TTI2: variants seen among roughly 807,000 people sequenced by gnomAD.
TTI2 encodes TELO2-interacting protein 2.
Under a neutral mutation model 44.9 loss-of-function variants are expected in TTI2, and 26 were observed. The observed-to-expected ratio is 0.58, with a 90% CI of 0.42 to 0.80. The LOEUF is 0.80. Ranked by LOEUF, TTI2 falls within the 30% of genes least tolerant of loss-of-function variation. The pLI, the probability that TTI2 is intolerant of heterozygous loss-of-function variation, is 0.00. For synonymous variants in TTI2, 254 were observed against 250.9 expected (o/e 1.01, Z -0.12); for missense variants, 582 against 611.6 (o/e 0.95, Z 0.51).
chr8:33,508,498 C>T (rs904321833), intron 3 of TTI2, among the ~76,000 whole-genome samples: 1 of 151,598 alleles, frequency 6.6e-6, no homozygotes, highest in African/African-American at 2.4e-5. Context: ...GTAATTCCAG[C>T]TACTCTAGAG....
chr8:33,503,490 C>T lies in TTI2; in HGVS notation c.1198G>A (p.Glu400Lys). 2 of 1,614,164 alleles carry T rather than the reference C, an allele frequency of 1.2e-6. No homozygotes were observed. The highest frequency in any genetic ancestry group is 1.7e-6 in the Non-Finnish European group (2 of 1,180,032). ...TCCAATATCTTCAGTCTAGCTTCCT[C>T]CTCAGGTCCATCATAAACCTCCAGA... ...GYLEVYDGPE[E>K]EARLKILETL... Residue 400 changes from glutamate to lysine, a missense_variant, in exon 6 of 8, where the codon GAG (glutamate) becomes AAG (lysine). Physicochemically the swap from Glu to Lys is moderately conservative, Grantham distance 56 (BLOSUM62 1). Coordinates refer to ENST00000431156, the MANE Select transcript of TTI2 (RefSeq NM_001102401.4).
chr8:33,512,501 G>A lies in TTI2; in HGVS notation c.113C>T (p.Ala38Val). The A allele has an allele frequency of 6.2e-7, 1 of 1,614,150 alleles. No homozygotes were observed. The highest frequency in any genetic ancestry group is 8.5e-7 in the Non-Finnish European group (1 of 1,180,042). ...QAFSKILHCL[A>V]RPEARRGNVK... ...ATTGCCTCGTCGTGCCTCCGGGCGG[G>A]CAAGACAGTGTAAAATCTTGGAGAA... The change falls in exon 2 of 8, where the codon GCC (alanine) becomes GTC (valine). Residue 38 changes from alanine (A) to valine (V), a missense_variant. Transcript: ENST00000431156.
Position 33,512,314 on chromosome 8 carries a change from T to A in TTI2, c.300A>T (p.Glu100Asp). The change falls in exon 2 of 8, where the codon GAA (glutamate) becomes GAT (aspartate). Residue 100 changes from glutamate (E) to aspartate (D), a missense_variant. Transcript: ENST00000431156. ...EKYAAPSKEE[E>D]GGGDGHSEAA... ...CTTCGGAGTGCCCATCACCTCCACC[T>A]TCCTCCTCCTTGGAGGGGGCTGCAT... 1 of 1,614,164 alleles carries A rather than the reference T, an allele frequency of 6.2e-7. No homozygotes were observed. Among genetic ancestry groups the A allele is most frequent in the Non-Finnish European group, 8.5e-7 (1 of 1,180,026 alleles).
At chr8:33,504,289 A>ATCTTTTTT (rs1809217413) in intron 4 of TTI2, among the ~76,000 whole-genome samples, 1 of 72,978 alleles carries the variant, frequency 1.4e-5, no homozygotes, top group African/African-American at 5.7e-5. Context: ...ATATTTACAC[A>ATCTTTTTT]TTTTTTTTTT....
intron 6 of TTI2, among the ~76,000 whole-genome samples, chr8:33,502,902 G>A (rs1211832222): frequency 2.6e-5 from 4 of 151,820 alleles, no homozygotes; most frequent in African/African-American, 7.3e-5. Context: ...GGCCAAGGCG[G>A]GTGGATTACA....
In TTI2 at chr8:33,507,325, C is replaced by A; in HGVS notation, c.835-4G>T. ...ACTGGAGCAAATCAGCAGCTGGCTG[C>A]AACCAGACAAATCGTCAAATTAAAA... On this transcript the variant is annotated splice_region_variant and splice_polypyrimidine_tract_variant and intron_variant, in intron 3 of 7. Coordinates refer to ENST00000431156, the MANE Select transcript of TTI2 (RefSeq NM_001102401.4). 6.2e-7 allele frequency: 1 copy of A among 1,613,814 alleles called. No individual in the cohort carries two copies. Among genetic ancestry groups the A allele is most frequent in the South Asian group, 1.1e-5 (1 of 91,066 alleles).
intron 6 of TTI2, chr8:33,501,040 C>T (rs990965234): frequency 1.3e-5 from 2 of 154,584 alleles, no homozygotes; most frequent in Admixed American, 6.4e-5. Context: ...AAGTTTTCAT[C>T]GCCTTGGTAA....
intron 7 of TTI2, chr8:33,499,738 C>T (rs1165790642): frequency 1.2e-5 from 2 of 164,770 alleles, no homozygotes; most frequent in South Asian, 1.6e-4. Flanking sequence ...TACCTTCAAT[C>T]TTCAACTAAA....
Position 33,503,751 on chromosome 8 carries a change from T to C in TTI2, c.1112A>G (p.Asn371Ser). ...TYARNLPAFV[N>S]RLGILTVRHL... is the part of the protein sequence containing the mutation. ...AAATAAAAGCCCAGGGCCTCACCTG[T>C]TCACGAAAGCCGGCAGGTTTCTTGC... The change falls in exon 5 of 8, where the codon AAC becomes AGC. Residue 371 changes from asparagine to serine, a missense_variant. Transcript: ENST00000431156. 3.1e-6 allele frequency: 5 copies of C among 1,613,554 alleles called. No individual in the cohort carries two copies. The South Asian group carries it at 4.4e-5, about 14-fold the overall frequency.
rs139842383 is a variant in TTI2, at chr8:33,499,193, C to T, written c.1507G>A (p.Ala503Thr). The change falls in exon 8 of 8, where the codon GCA becomes ACA. Residue 503 changes from alanine to threonine, a missense_variant. Transcript: ENST00000431156. ...IRKVQQVSEG[A>T]PYNGT ...AAGTCTTAAGTTCCATTGTAGGGTGCGCCTTCAGAAACCTGCTGCACTTTT... is the reference window on the plus strand; with the variant it reads ...AAGTCTTAAGTTCCATTGTAGGGTGTGCCTTCAGAAACCTGCTGCACTTTT... 150 of 1,613,712 alleles carry T rather than the reference C, an allele frequency of 9.3e-5. No homozygotes were observed. Among genetic ancestry groups the T allele is most frequent in the Non-Finnish European group, 1.1e-4 (134 of 1,179,658 alleles).
At chr8:33,501,308 T>C (rs1385810558) in intron 6 of TTI2, 2 of 152,202 alleles carry the variant, frequency 1.3e-5, no homozygotes, top group African/African-American at 2.4e-5. Context: ...TAAATACTCC[T>C]CATTTTCCTA....
At chr8:33,508,476 T>G (rs1809385497) in intron 3 of TTI2, among the ~76,000 whole-genome samples, 1 of 151,958 alleles carries the variant, frequency 6.6e-6, no homozygotes, top group African/African-American at 2.4e-5. Context: ...CTGAGCATGG[T>G]GGTGCGTTCC....
At chr8:33,509,979 CAAAAAA>C (rs10588315) in intron 2 of TTI2, 47 bp from the exon 3 acceptor site, 222 of 417,616 alleles carry the variant, frequency 5.3e-4, no homozygotes, top group Non-Finnish European at 6.8e-4. Context: ...TGATAAGTAG[CAAAAAA>C]AAAAAAAAAA....
At chr8:33,509,566 A>AT in intron 3 of TTI2, among the ~76,000 whole-genome samples, 180 bp downstream of exon 3, 1 of 152,026 alleles carries the variant, frequency 6.6e-6, no homozygotes, top group Non-Finnish European at 1.5e-5. Flanking sequence ...TTCTATAATT[A>AT]TCATTTTAGT....
Position 33,509,165 on chromosome 8 carries a change from G to A in TTI2, c.834+581C>T, listed in dbSNP as rs1447484926. Among the ~76,000 whole-genome samples, 6 of 146,590 alleles carry A rather than the reference G, an allele frequency of 4.1e-5. No individual in the cohort carries two copies. The South Asian group carries it at 1.3e-3, about 32-fold the overall frequency. ...AAAAAAAAAAAAGAAAGAAAGAAAG[G>A]AAGTAGGCCAGGTGCAGTGGCTCAC... On this transcript the variant is annotated intron_variant, in intron 3 of 7. Coordinates refer to ENST00000431156, the MANE Select transcript of TTI2 (RefSeq NM_001102401.4).
intron 7 of TTI2, 32 bp from the exon 8 acceptor site, chr8:33,499,309 T>A (rs2732278): frequency 0.059 from 81,500 of 1,378,742 alleles, 2,274 homozygotes; most frequent in African/African-American, 0.14. Context: ...GCTTTGATAT[T>A]TTTTTTTTTT....
At position 33,511,982 on chromosome 8, in the gene TTI2, T is replaced by C. The variant is rs1027046806; in HGVS notation, c.632A>G (p.Lys211Arg). Residue 211 changes from lysine (K) to arginine (R), a missense_variant, in exon 2 of 8, where the codon AAA becomes AGA. Lys to Arg is a conservative substitution (Grantham distance 26). Coordinates refer to ENST00000431156, the MANE Select transcript of TTI2 (RefSeq NM_001102401.4). The part of the protein sequence containing the change: ...GRLSVILGLL[K>R]PDLYKESWKN... ...GAGTACTCACTTATACAAGTCGGGT[T>C]TGAGAAGCCCTAGTATCACCGAAAG... 6.2e-7 allele frequency: 1 copy of C among 1,614,100 alleles called. No individual in the cohort carries two copies. Among genetic ancestry groups the C allele is most frequent in the Non-Finnish European group, 8.5e-7 (1 of 1,180,046 alleles).
intron 2 of TTI2, 47 bp from the exon 3 acceptor site, chr8:33,509,979 C>CAAAAAAAAAAAAAAAAAAAA: frequency 2.4e-6 from 1 of 416,694 alleles, no homozygotes; most frequent in Non-Finnish European, 3.9e-6. Context: ...TGATAAGTAG[C>CAAAAAAAAAAAAAAAAAAAA]AAAAAAAAAA....
Position 33,507,287 on chromosome 8 carries a change from T to C in TTI2, c.869A>G (p.Gln290Arg), listed in dbSNP as rs570717239. The part of the protein sequence containing the change: ...AADLLQYNRA[Q>R]VLYHAISNHL... ...GTTGGAAATGGCATGGTATAGGACC[T>C]GGGCTCTGTTATACTGGAGCAAATC... The change falls in exon 4 of 8, where the codon CAG (glutamine) becomes CGG (arginine). Residue 290 changes from glutamine (Q) to arginine (R), a missense_variant. Gln to Arg is a conservative substitution (Grantham distance 43). Transcript: ENST00000431156. 3.7e-6 allele frequency: 6 copies of C among 1,614,196 alleles called. No individual in the cohort carries two copies. The South Asian group carries it at 5.5e-5, about 15-fold the overall frequency.
Sources: allele counts gnomAD v4.1 joint callset (sites outside exome capture counted in the v4.1 genomes callset), GRCh38; gene constraint gnomAD v4.1.1; transcripts MANE v1.5; gene names NCBI Gene and HGNC (gene_info 2026-07-23, HGNC 2026-07-21).